TENM2: variants seen among roughly 807,000 people sequenced by gnomAD.
The protein encoded by TENM2 is teneurin transmembrane protein 2.
TENM2 carries 52 observed loss-of-function variants against 245.2 expected under a neutral mutation model. The observed-to-expected ratio is 0.21, with a 90% CI of 0.17 to 0.27. The LOEUF (loss-of-function observed/expected upper bound fraction) is 0.27. Ranked by LOEUF, TENM2 falls within the 10% of genes least tolerant of loss-of-function variation. The probability of loss-of-function intolerance (pLI) is 1.00; values close to 1 mark genes in which losing one functional copy is unlikely to be tolerated. For synonymous variants in TENM2, 1,363 were observed against 1,438.9 expected (o/e 0.95, Z 1.19); for missense variants, 3,046 against 3,666.8 (o/e 0.83, Z 4.37).
intron 5 of TENM2, among the ~76,000 whole-genome samples, chr5:168,010,803 C>T (rs1203737132): frequency 6.6e-6 from 1 of 152,228 alleles, no homozygotes; most frequent in African/African-American, 2.4e-5. Context: ...TGAGCAGGGG[C>T]TTGGCAAGCA....
At chr5:167,933,286 TG>T (rs1778429060) in intron 3 of TENM2, among the ~76,000 whole-genome samples, 1 of 152,244 alleles carries the variant, frequency 6.6e-6, no homozygotes, top group Admixed American at 6.5e-5. Context: ...AAAAATTAAA[TG>T]TTTTTTTAAA....
At chr5:167,487,710 A>G (rs1174199162) in intron 2 of TENM2, among the ~76,000 whole-genome samples, 1 of 152,180 alleles carries the variant, frequency 6.6e-6, no homozygotes, top group Non-Finnish European at 1.5e-5. Flanking sequence ...TCAAATAAAG[A>G]GCTATGTTAA....
At chr5:167,442,499 C>T (rs913831184) in intron 2 of TENM2, among the ~76,000 whole-genome samples, 1 of 151,946 alleles carries the variant, frequency 6.6e-6, no homozygotes, top group Non-Finnish European at 1.5e-5. Context: ...CCACCAGCAG[C>T]CTAGGAAATG....
At chr5:167,822,057 T>C (rs1767575729) in intron 2 of TENM2, among the ~76,000 whole-genome samples, 1 of 152,116 alleles carries the variant, frequency 6.6e-6, no homozygotes, top group Non-Finnish European at 1.5e-5. Context: ...TTTTGTTTTA[T>C]TGGGGCAGGC....
At chr5:167,931,259 A>G (rs966713128) in intron 3 of TENM2, among the ~76,000 whole-genome samples, 1 of 152,240 alleles carries the variant, frequency 6.6e-6, no homozygotes, top group African/African-American at 2.4e-5. Context: ...AGATATATAC[A>G]GTATCACCCT....
chr5:167,691,601 C>T (rs570358907), intron 2 of TENM2, among the ~76,000 whole-genome samples: 51 of 152,326 alleles, frequency 3.3e-4, no homozygotes, highest in African/African-American at 1.2e-3. Context: ...TGTCCCTCAG[C>T]AATCACCACC....
intron 2 of TENM2, among the ~76,000 whole-genome samples, chr5:167,787,637 AGTCTTATT>A: frequency 6.6e-6 from 1 of 152,160 alleles, no homozygotes; most frequent in Non-Finnish European, 1.5e-5. Flanking sequence ...CCTGTCACTG[AGTCTTATT>A]AGATCTTTTT....
At chr5:167,245,560 C>A in the TENM2 span, among the ~76,000 whole-genome samples, 1 of 147,974 alleles carries the variant, frequency 6.8e-6, no homozygotes. Flanking sequence ...GAACAGTATA[C>A]AAAGAATGCT....
chr5:167,461,220 C>CT (rs879930542), intron 2 of TENM2, among the ~76,000 whole-genome samples: 52 of 140,928 alleles, frequency 3.7e-4, no homozygotes, highest in South Asian at 6.7e-4. Context: ...AAGTTGAGCT[C>CT]TTTTTTTTTT....
intron 7 of TENM2, among the ~76,000 whole-genome samples, chr5:168,071,306 A>G (rs1015593805): frequency 2.0e-5 from 3 of 152,256 alleles, no homozygotes; most frequent in African/African-American, 4.8e-5. Context: ...CAAAGCATTC[A>G]TGACACACAA....
intron 2 of TENM2, among the ~76,000 whole-genome samples, chr5:167,690,059 T>C (rs1259534856): frequency 6.7e-6 from 1 of 149,464 alleles, no homozygotes; most frequent in Non-Finnish European, 1.5e-5. Flanking sequence ...GAAAAGAAAA[T>C]CATCTGGGAA....
At chr5:167,414,450 T>C (rs1285990658) in intron 2 of TENM2, among the ~76,000 whole-genome samples, 1 of 152,128 alleles carries the variant, frequency 6.6e-6, no homozygotes, top group Non-Finnish European at 1.5e-5. Context: ...CCATGTAATA[T>C]AGATAGCAAA....
the TENM2 span, among the ~76,000 whole-genome samples, chr5:167,268,441 T>A: frequency 6.6e-6 from 1 of 152,184 alleles, no homozygotes; most frequent in South Asian, 2.1e-4. Flanking sequence ...TTTGTTACAT[T>A]GTACTAGTTA....
chr5:168,235,473 C>A (rs1289076340), intron 25 of TENM2, among the ~76,000 whole-genome samples: 2 of 152,146 alleles, frequency 1.3e-5, no homozygotes, highest in Non-Finnish European at 2.9e-5. Flanking sequence ...GCCTTTACCT[C>A]TTATACCTTA....
Position 167,592,533 on chromosome 5 carries a change from A to G in TENM2, c.502+217060A>G, listed in dbSNP as rs1219017250. On this transcript the variant is annotated intron_variant, in intron 2 of 28. Coordinates refer to ENST00000518659, the Ensembl canonical transcript of TENM2. Reference sequence around the variant, plus strand: ...CAGCATATTTAAAACCATCAACTCAATCCTTATATTGGTTACCCATAAAAT... The same window carrying G: ...CAGCATATTTAAAACCATCAACTCAGTCCTTATATTGGTTACCCATAAAAT... Among the ~76,000 whole-genome samples, 3 of 152,128 alleles carry G rather than the reference A, an allele frequency of 2.0e-5. No homozygotes were observed. The East Asian group carries it at 5.8e-4, about 29-fold the overall frequency.
chr5:167,393,220 T>G (rs1422663785), intron 2 of TENM2, among the ~76,000 whole-genome samples: 2 of 150,092 alleles, frequency 1.3e-5, no homozygotes, highest in Admixed American at 6.7e-5. Context: ...GAGGGAGAGA[T>G]AAATAGAAGG....
intron 2 of TENM2, among the ~76,000 whole-genome samples, chr5:167,531,073 T>G (rs1771467132): frequency 1.3e-5 from 2 of 152,128 alleles, no homozygotes; most frequent in Admixed American, 6.5e-5. Context: ...TCACAGGACA[T>G]CTAATATTCT....
chr5:167,708,364 A>G (rs1758680421), intron 2 of TENM2, among the ~76,000 whole-genome samples: 1 of 152,166 alleles, frequency 6.6e-6, no homozygotes, highest in African/African-American at 2.4e-5. Context: ...GTTAGGGTGA[A>G]ACTGCACCAT....
the TENM2 span, among the ~76,000 whole-genome samples, chr5:167,096,920 T>C: frequency 6.6e-6 from 1 of 152,150 alleles, no homozygotes; most frequent in African/African-American, 2.4e-5. Context: ...GTTAAACTGC[T>C]GAAATTGTTT....
Sources: allele counts gnomAD v4.1 joint callset (sites outside exome capture counted in the v4.1 genomes callset), GRCh38; gene constraint gnomAD v4.1.1; transcripts MANE v1.5; gene names NCBI Gene and HGNC (gene_info 2026-07-23, HGNC 2026-07-21).